PLEKHA5: variants seen among roughly 807,000 people sequenced by gnomAD.
PLEKHA5 encodes pleckstrin homology domain-containing family A member 5.
In PLEKHA5, 55 loss-of-function variants were observed where a neutral mutation model predicts 181.9. That is an observed-to-expected ratio of 0.30 (90% confidence interval 0.24 to 0.38). The LOEUF is 0.38. Ranked by LOEUF, PLEKHA5 falls within the 10% of genes least tolerant of loss-of-function variation. PLEKHA5 has a pLI of 1.00. For missense variants in PLEKHA5, 1,432 were observed against 1,549.5 expected, an observed-to-expected ratio of 0.92 and a Z score of 1.27; for synonymous variants, 535 against 529.4, an observed-to-expected ratio of 1.01 and a Z score of -0.15.
At chr12:19,310,609 CAAAA>C (rs5796796) in intron 15 of PLEKHA5, among the ~76,000 whole-genome samples, 6 of 111,954 alleles carry the variant, frequency 5.4e-5, no homozygotes, top group Non-Finnish European at 1.0e-4. Context: ...GACTCCCTCT[CAAAA>C]AAAAAAAAAA....
At chr12:19,259,233 T>A (rs1243164921) in intron 6 of PLEKHA5, among the ~76,000 whole-genome samples, 1 of 151,794 alleles carries the variant, frequency 6.6e-6, no homozygotes, top group Non-Finnish European at 1.5e-5. Flanking sequence ...CCTGGTGTGG[T>A]GGTGTGCATC....
In PLEKHA5 at chr12:19,322,527, G is replaced by A. The variant is rs1329635643; in HGVS notation, c.2308G>A (p.Glu770Lys). The change falls in exon 20 of 32, where the codon GAG becomes AAG. Residue 770 changes from glutamate (E) to lysine (K), a missense_variant. Around this residue, in one of 2 missense-constraint regions of PLEKHA5, gnomAD observed 1,143 missense variants for 1,168.4 expected, o/e 0.98. Coordinates refer to ENST00000429027, the MANE Select transcript of PLEKHA5 (RefSeq NM_001256470.2). The stretch of plus-strand genomic sequence containing the variant: ...CTTTTTATCATAATAGTACACGCTT[G>A]AGCAAGCTTTGCTATCAGCCAGCCA... ...QQLHKEKYTL[E>K]QALLSASQEI... 4.3e-6 allele frequency: 7 copies of A among 1,613,872 alleles called. No individual in the cohort carries two copies. The highest frequency in any genetic ancestry group is 5.9e-6 in the Non-Finnish European group (7 of 1,179,842).
chr12:19,168,550 T>C (rs2045116416), intron 3 of PLEKHA5, among the ~76,000 whole-genome samples: 2 of 143,734 alleles, frequency 1.4e-5, no homozygotes, highest in African/African-American at 4.9e-5. Context: ...TTTGATACGA[T>C]TAGTAGTATT....
At chr12:19,246,397 G>A (rs1482387807) in intron 3 of PLEKHA5, among the ~76,000 whole-genome samples, 3 of 151,758 alleles carry the variant, frequency 2.0e-5, no homozygotes, top group African/African-American at 7.3e-5. Flanking sequence ...TGCTGAGGTG[G>A]GTGGATCATG....
intron 3 of PLEKHA5, among the ~76,000 whole-genome samples, chr12:19,194,410 G>A (rs968397172): frequency 6.6e-6 from 1 of 152,162 alleles, no homozygotes; most frequent in African/African-American, 2.4e-5. Context: ...AAACATACAA[G>A]TGCATGTATC....
chr12:19,193,782 A>G (rs1395738310), intron 3 of PLEKHA5, among the ~76,000 whole-genome samples: 1 of 152,184 alleles, frequency 6.6e-6, no homozygotes. Context: ...TAATTGGCTC[A>G]TGGTTCTGCA....
At chr12:19,275,477 A>G (rs542022881) in intron 11 of PLEKHA5, among the ~76,000 whole-genome samples, 2 of 152,160 alleles carry the variant, frequency 1.3e-5, no homozygotes, top group Non-Finnish European at 2.9e-5. Context: ...TAACTATTAA[A>G]TTCAAGGCCA....
intron 3 of PLEKHA5, among the ~76,000 whole-genome samples, chr12:19,250,738 CT>C (rs1309673412): frequency 3.3e-5 from 5 of 151,144 alleles, no homozygotes; most frequent in Non-Finnish European, 7.4e-5. Flanking sequence ...TAAGTGACAC[CT>C]TGTTTCAGTG....
intron 8 of PLEKHA5, among the ~76,000 whole-genome samples, chr12:19,267,235 G>T (rs1470286373): frequency 6.6e-6 from 1 of 152,134 alleles, no homozygotes; most frequent in African/African-American, 2.4e-5. Flanking sequence ...AGAGAAAAGA[G>T]GGGGGAAGTG....
chr12:19,346,274 A>G (rs760006737), intron 23 of PLEKHA5, among the ~76,000 whole-genome samples: 4 of 152,210 alleles, frequency 2.6e-5, no homozygotes, highest in Non-Finnish European at 5.9e-5. Context: ...GATACTGTCA[A>G]CCTAACCAAA....
chr12:19,355,605 C>T (rs112539918), intron 26 of PLEKHA5, among the ~76,000 whole-genome samples: 1,906 of 151,286 alleles, frequency 0.013, 30 homozygotes, highest in African/African-American at 0.044. Flanking sequence ...AGTACAACTA[C>T]AAAGTACATG....
rs142436766 is a variant in PLEKHA5, at chr12:19,132,818, A to G, written c.227+368A>G. ...GGTGCTTCTGTGTATATTCCTGGGT[A>G]ATAGAGGATTATTGGTCATTAGCTA... On this transcript the variant is annotated intron_variant, in intron 3 of 31. Transcript: ENST00000429027. Among the ~76,000 whole-genome samples the G allele has an allele frequency of 1.6e-4, 19 of 119,354 alleles. No homozygotes were observed. In the East Asian group the frequency reaches 4.6e-3, roughly 29 times the overall value. The allele number at this position is 119,354 out of a possible 152,430, so 78.3% of individuals were successfully genotyped here. A position where few individuals can be genotyped will look rare whatever the true frequency, so the allele number is the denominator to read the frequency against.
intron 3 of PLEKHA5, among the ~76,000 whole-genome samples, chr12:19,169,616 A>T (rs1270197000): frequency 1.3e-5 from 2 of 152,212 alleles, no homozygotes; most frequent in African/African-American, 4.8e-5. Context: ...CAAAATAGAT[A>T]AATTCAGGAA....
At chr12:19,145,791 T>A (rs1426383423) in intron 3 of PLEKHA5, among the ~76,000 whole-genome samples, 1 of 152,112 alleles carries the variant, frequency 6.6e-6, no homozygotes, top group Non-Finnish European at 1.5e-5. Flanking sequence ...AACAACTATT[T>A]AGATGTGGAA....
At chr12:19,231,387 AGAGTGT>A (rs1275888689) in intron 3 of PLEKHA5, among the ~76,000 whole-genome samples, 2 of 151,974 alleles carry the variant, frequency 1.3e-5, no homozygotes, top group African/African-American at 4.8e-5. Flanking sequence ...ATATACAGTT[AGAGTGT>A]AAGTCACAAA....
intron 15 of PLEKHA5, among the ~76,000 whole-genome samples, chr12:19,312,578 T>C (rs2086948254): frequency 6.6e-6 from 1 of 152,222 alleles, no homozygotes; most frequent in Non-Finnish European, 1.5e-5. Context: ...AGCTTCCAAG[T>C]TTCCTTCTGC....
chr12:19,340,473 C>G (rs1298450373), intron 21 of PLEKHA5, among the ~76,000 whole-genome samples: 14 of 101,216 alleles, frequency 1.4e-4, no homozygotes, highest in Admixed American at 3.1e-4. Context: ...TCATTGAGAA[C>G]GGGCCATGAT....
chr12:19,129,810 A>G lies in PLEKHA5; in HGVS notation c.11A>G (p.Asp4Gly), dbSNP rs1226825089. The change falls in exon 1 of 32, where the codon GAT (aspartate) becomes GGT (glycine). Residue 4 changes from aspartate to glycine, a missense_variant. Physicochemically the swap from Asp to Gly is moderately conservative, Grantham distance 94. This residue lies in a region of PLEKHA5 where 289 missense variants were observed against 381.1 expected (regional missense o/e 0.76). Transcript: ENST00000429027. MAA[D>G]LNLEWISLPR... Reference sequence around the variant, plus strand: ...GGCTAGGGATCAGACATGGCGGCGGATCTGAACCTGGAGTGGATCTCCCTG... The same window carrying G: ...GGCTAGGGATCAGACATGGCGGCGGGTCTGAACCTGGAGTGGATCTCCCTG... 1.3e-6 allele frequency: 2 copies of G among 1,599,912 alleles called. No individual in the cohort carries two copies. Among genetic ancestry groups the G allele is most frequent in the Admixed American group, 3.4e-5 (2 of 59,144 alleles).
intron 25 of PLEKHA5, among the ~76,000 whole-genome samples, chr12:19,350,496 G>C (rs1235281464): frequency 6.6e-6 from 1 of 152,194 alleles, no homozygotes; most frequent in East Asian, 1.9e-4. Flanking sequence ...GCCAGGCTTG[G>C]TGGCTCACGC....
Sources: allele counts gnomAD v4.1 joint callset (sites outside exome capture counted in the v4.1 genomes callset), GRCh38; gene constraint gnomAD v4.1.1; regional missense constraint gnomAD v4.1.1; transcripts MANE v1.5; gene names NCBI Gene and HGNC (gene_info 2026-07-23, HGNC 2026-07-21).